Variants in YES1 observed in about 807,000 individuals in gnomAD.
YES1 encodes tyrosine-protein kinase Yes.
In YES1, 39 loss-of-function variants were observed where a neutral mutation model predicts 70.4. That is an observed-to-expected ratio of 0.55 (90% CI 0.43 to 0.72). YES1 has a LOEUF of 0.72. Among genes scored for constraint, YES1 ranks in the 30% least tolerant of loss-of-function variants. The pLI is 0.00. For missense variants in YES1, 495 were observed against 644.8 expected (o/e 0.77, Z 2.52); for synonymous variants, 198 against 218.6 (o/e 0.91, Z 0.83).
At chr18:774,172 C>G (rs369950680) in intron 1 of YES1, among the ~76,000 whole-genome samples, 2 of 152,280 alleles carry the variant, frequency 1.3e-5, no homozygotes, top group East Asian at 3.9e-4. Context: ...TGGTTTCCCC[C>G]CGTCTTACTG....
chr18:730,443 C>T (rs2080074826), intron 11 of YES1, among the ~76,000 whole-genome samples: 1 of 151,238 alleles, frequency 6.6e-6, no homozygotes, highest in South Asian at 2.1e-4. Context: ...TTCCTGGGCT[C>T]AAGCGATCCA....
At chr18:803,007 C>G (rs1478524736) in intron 1 of YES1, among the ~76,000 whole-genome samples, 1 of 151,650 alleles carries the variant, frequency 6.6e-6, no homozygotes, top group East Asian at 1.9e-4. Flanking sequence ...GCGGGAGGAT[C>G]CCTTGAGCCT....
chr18:759,011 A>G (rs1291710901), intron 1 of YES1, among the ~76,000 whole-genome samples: 3 of 152,192 alleles, frequency 2.0e-5, no homozygotes, highest in African/African-American at 7.2e-5. Flanking sequence ...CCGCCTCATA[A>G]ATTCTGAAAG....
intron 1 of YES1, among the ~76,000 whole-genome samples, chr18:786,582 T>C (rs1232133217): frequency 6.6e-6 from 1 of 151,282 alleles, no homozygotes; most frequent in African/African-American, 2.4e-5. Context: ...TGAATTCACC[T>C]GCTTGCCAAA....
At chr18:806,495 T>C (rs1249176166) in intron 1 of YES1, among the ~76,000 whole-genome samples, 2 of 152,230 alleles carry the variant, frequency 1.3e-5, no homozygotes, top group Non-Finnish European at 2.9e-5. Context: ...CTCAAAAGAT[T>C]TGTTTTGTTT....
intron 1 of YES1, among the ~76,000 whole-genome samples, chr18:786,994 A>G (rs9948550): frequency 0.33 from 49,821 of 151,210 alleles, 8,601 homozygotes; most frequent in African/African-American, 0.41. Flanking sequence ...CATAACTAGC[A>G]CAAATAATGA....
intron 1 of YES1, among the ~76,000 whole-genome samples, chr18:766,999 G>A (rs997196774): frequency 6.6e-6 from 1 of 151,852 alleles, no homozygotes; most frequent in South Asian, 2.1e-4. Flanking sequence ...TATTTTTATG[G>A]TTTATGTTTT....
chr18:782,307 C>A (rs1299278407), intron 1 of YES1, among the ~76,000 whole-genome samples: 1 of 152,108 alleles, frequency 6.6e-6, no homozygotes, highest in Non-Finnish European at 1.5e-5. Flanking sequence ...GGCTGAGGAA[C>A]CATAAAATAT....
intron 2 of YES1, 112 bp from the exon 3 acceptor site, chr18:751,916 G>C (rs2080349304): frequency 4.2e-6 from 3 of 709,488 alleles, no homozygotes; most frequent in Non-Finnish European, 7.4e-6. Flanking sequence ...TTTTTCTGTA[G>C]TCTCCAGAAA....
intron 1 of YES1, among the ~76,000 whole-genome samples, chr18:810,271 C>T (rs1341571690): frequency 6.6e-6 from 1 of 152,142 alleles, no homozygotes; most frequent in Non-Finnish European, 1.5e-5. Context: ...AGTCTTTTAG[C>T]ACATTTATTC....
rs71174290 is a variant in YES1 at position 787,080 on chromosome 18, C to CTTTTTTTTTTT, written c.-9+25023_-9+25033dup. ...TTTAAAAAACTGTGATACATACTGT[C>CTTTTTTTTTTT]TTTTTTTTTTTTTTTTTTTTTTTTT... On this transcript the variant is annotated intron_variant, in intron 1 of 11. Coordinates refer to ENST00000314574, the MANE Select transcript of YES1 (RefSeq NM_005433.4). Among the ~76,000 whole-genome samples, 10 of 34,754 alleles carry CTTTTTTTTTTT rather than the reference C, an allele frequency of 2.9e-4. 2 individuals are homozygous for CTTTTTTTTTTT. Among genetic ancestry groups the CTTTTTTTTTTT allele is most frequent in the African/African-American group, 5.7e-4 (5 of 8,802 alleles). 22.8% of individuals were successfully genotyped at this position (34,754 alleles called of 152,430 possible). A position where few individuals can be genotyped will look rare whatever the true frequency, so the allele number is the denominator to read the frequency against.
intron 8 of YES1, 53 bp from the exon 9 acceptor site, chr18:739,864 T>C: frequency 7.4e-7 from 1 of 1,343,830 alleles, no homozygotes; most frequent in South Asian, 1.3e-5. Flanking sequence ...TATATTAGGA[T>C]TGAAATGAAT....
At chr18:754,456 C>T (rs553818012) in intron 2 of YES1, among the ~76,000 whole-genome samples, 1 of 152,194 alleles carries the variant, frequency 6.6e-6, no homozygotes, top group South Asian at 2.1e-4. Flanking sequence ...CATGTAATCC[C>T]AGCACTTTGG....
At chr18:788,433 T>C (rs1415175668) in intron 1 of YES1, among the ~76,000 whole-genome samples, 1 of 152,228 alleles carries the variant, frequency 6.6e-6, no homozygotes, top group Admixed American at 6.5e-5. Flanking sequence ...GTTTAAAATA[T>C]GTACATAATA....
At chr18:727,691 A>AG (rs1242620432) in intron 11 of YES1, among the ~76,000 whole-genome samples, 1 of 152,194 alleles carries the variant, frequency 6.6e-6, no homozygotes, top group Non-Finnish European at 1.5e-5. Context: ...TTCCAAACTT[A>AG]GAACGGTTTA....
chr18:791,259 A>C (rs1473848592), intron 1 of YES1, among the ~76,000 whole-genome samples: 1 of 151,268 alleles, frequency 6.6e-6, no homozygotes, highest in Non-Finnish European at 1.5e-5. Context: ...AAGAAAAAAA[A>C]AAGAAAAAAA....
At chr18:795,557 T>C (rs975741394) in intron 1 of YES1, among the ~76,000 whole-genome samples, 4 of 152,154 alleles carry the variant, frequency 2.6e-5, no homozygotes, top group East Asian at 3.8e-4. Context: ...CTATACACCA[T>C]GGAATACTAT....
At chr18:757,065 A>G (rs1331424558) in intron 1 of YES1, among the ~76,000 whole-genome samples, 3 of 152,212 alleles carry the variant, frequency 2.0e-5, no homozygotes, top group Admixed American at 2.0e-4. Context: ...ATCACCTTTA[A>G]TAGTCCAATG....
intron 11 of YES1, among the ~76,000 whole-genome samples, chr18:728,594 T>C (rs1371160650): frequency 6.6e-6 from 1 of 152,184 alleles, no homozygotes; most frequent in East Asian, 1.9e-4. Context: ...TAGTGCAATC[T>C]TGGCTCATTG....
Sources: allele counts gnomAD v4.1 joint callset (sites outside exome capture counted in the v4.1 genomes callset), GRCh38; gene constraint gnomAD v4.1.1; transcripts MANE v1.5; gene names NCBI Gene and HGNC (gene_info 2026-07-23, HGNC 2026-07-21).